Variants in SLC37A3 observed in about 807,000 individuals in gnomAD.
SLC37A3 encodes solute carrier family 37 member 3, also known as sugar phosphate exchanger 3.
SLC37A3 carries 51 observed loss-of-function variants against 67.1 expected under a neutral mutation model. The observed-to-expected ratio is 0.76, with a 90% CI of 0.61 to 0.96. The LOEUF (loss-of-function observed/expected upper bound fraction) is 0.96. Among genes scored for constraint, SLC37A3 ranks in the 40% least tolerant of loss-of-function variants. The pLI is 0.00. For synonymous variants in SLC37A3, 214 were observed against 231.4 expected, an observed-to-expected ratio of 0.92 and a Z score of 0.68; for missense variants, 508 against 603.0, an observed-to-expected ratio of 0.84 and a Z score of 1.65.
intron 4 of SLC37A3, among the ~76,000 whole-genome samples, chr7:140,367,305 T>C (rs1170806491): frequency 6.6e-6 from 1 of 151,504 alleles, no homozygotes; most frequent in East Asian, 1.9e-4. Context: ...GGCATGATGG[T>C]GTGCACCTGT....
At chr7:140,342,812 C>A (rs1440680955) in intron 13 of SLC37A3, among the ~76,000 whole-genome samples, 3 of 152,168 alleles carry the variant, frequency 2.0e-5, no homozygotes, top group Admixed American at 6.5e-5. Flanking sequence ...TCGAACTCAG[C>A]AAGTCTGTAG....
chr7:140,336,879 A>C (rs1585239536), intron 14 of SLC37A3, among the ~76,000 whole-genome samples: 1 of 152,152 alleles, frequency 6.6e-6, no homozygotes, highest in Non-Finnish European at 1.5e-5. Flanking sequence ...CGGGTGGATC[A>C]CCTGAGGTCA....
chr7:140,365,463 G>C (rs1285839871), intron 4 of SLC37A3, among the ~76,000 whole-genome samples: 2 of 152,102 alleles, frequency 1.3e-5, no homozygotes, highest in African/African-American at 4.8e-5. Context: ...GCTCACACCT[G>C]TAATCCCAGC....
chr7:140,375,698 T>A (rs899171179), intron 3 of SLC37A3, among the ~76,000 whole-genome samples: 1 of 151,944 alleles, frequency 6.6e-6, no homozygotes, highest in Non-Finnish European at 1.5e-5. Flanking sequence ...AAAAATAAAA[T>A]CCCCAAATCA....
At chr7:140,355,792 G>C in intron 6 of SLC37A3, 28 bp from the exon 7 acceptor site, 1 of 1,593,154 alleles carries the variant, frequency 6.3e-7, no homozygotes. Context: ...GGGAGACAAA[G>C]GGCCATGGTC....
chr7:140,394,509 C>G (rs1205852988), intron 1 of SLC37A3, among the ~76,000 whole-genome samples: 1 of 151,558 alleles, frequency 6.6e-6, no homozygotes. Context: ...GTGGCCCTAT[C>G]TACTTGGGAG....
chr7:140,367,347 GA>G (rs1181818954), intron 4 of SLC37A3, among the ~76,000 whole-genome samples: 4 of 150,870 alleles, frequency 2.7e-5, no homozygotes, highest in Non-Finnish European at 2.9e-5. Context: ...TGAGGCAGGA[GA>G]ATCACTGGAA....
chr7:140,341,424 G>A (rs768840862), intron 13 of SLC37A3, among the ~76,000 whole-genome samples: 14 of 152,166 alleles, frequency 9.2e-5, no homozygotes, highest in South Asian at 4.1e-4. Flanking sequence ...CTACAGAACC[G>A]CATCAACTGC....
intron 5 of SLC37A3, among the ~76,000 whole-genome samples, chr7:140,362,685 T>G (rs1433459708): frequency 6.9e-4 from 11 of 15,934 alleles, no homozygotes; most frequent in African/African-American, 1.0e-3. Flanking sequence ...GGGGGGGGGG[T>G]CAGCCCCCTG....
At chr7:140,359,520 C>T (rs552524208) in intron 5 of SLC37A3, among the ~76,000 whole-genome samples, 6 of 152,252 alleles carry the variant, frequency 3.9e-5, no homozygotes, top group African/African-American at 9.6e-5. Flanking sequence ...AGGCACGGGG[C>T]GCATGCCAGC....
At position 140,335,150 on chromosome 7, in the gene SLC37A3, GGTCAAAGATGCTGGCAGAGTCAGAA is replaced by G; in HGVS notation, c.*237_*261del. 5.7e-6 allele frequency: 8 copies of G among 1,407,354 alleles called. No homozygotes were observed. Among genetic ancestry groups the G allele is most frequent in the Non-Finnish European group, 7.8e-6 (8 of 1,031,078 alleles). 87.2% of individuals were successfully genotyped at this position (1,407,354 alleles called of 1,614,324 possible). A position where few individuals can be genotyped will look rare whatever the true frequency, so the allele number is the denominator to read the frequency against. On this transcript the variant is annotated 3_prime_UTR_variant, in exon 15 of 15. Transcript: ENST00000326232. The stretch of plus-strand genomic sequence containing the variant: ...AAACAAAGACGCGGGCAGAGTCAGA[GGTCAAAGATGCTGGCAGAGTCAGAA>G]GTCACTCGGCACATTCATGAAACAA...
chr7:140,369,825 G>C, intron 3 of SLC37A3, 143 bp from the exon 4 acceptor site: 1 of 656,840 alleles, frequency 1.5e-6, no homozygotes, highest in Non-Finnish European at 2.6e-6. Context: ...GAAATAACTA[G>C]TATAGCCGGG....
At chr7:140,374,919 G>A (rs1287648258) in intron 3 of SLC37A3, among the ~76,000 whole-genome samples, 4 of 152,056 alleles carry the variant, frequency 2.6e-5, no homozygotes, top group East Asian at 1.9e-4. Flanking sequence ...AGGCCGAGGT[G>A]GGGGTATCAT....
At chr7:140,393,305 T>C (rs1371270415) in intron 1 of SLC37A3, among the ~76,000 whole-genome samples, 1 of 152,164 alleles carries the variant, frequency 6.6e-6, no homozygotes, top group African/African-American at 2.4e-5. Flanking sequence ...TGGAGGTCCA[T>C]CCATATCAGC....
chr7:140,363,654 A>G (rs1236231788), intron 5 of SLC37A3, among the ~76,000 whole-genome samples: 1 of 134,156 alleles, frequency 7.5e-6, no homozygotes, highest in Admixed American at 7.8e-5. Context: ...GACCCTGCCA[A>G]ATCCCCCTCT....
At chr7:140,346,402 C>T (rs1330585463) in intron 10 of SLC37A3, among the ~76,000 whole-genome samples, 20 of 151,882 alleles carry the variant, frequency 1.3e-4, no homozygotes, top group Non-Finnish European at 4.4e-5. Flanking sequence ...GTCTGACTCC[C>T]TGAAAAGGGG....
Position 140,369,686 on chromosome 7 carries a change from C to A in SLC37A3, c.199-4G>T. ...ACAAATGGTTGCTGCTCCAGATCTA[C>A]AGTAAGACAGCAGGAACAGGTCAGT... On this transcript the variant is annotated splice_region_variant and splice_polypyrimidine_tract_variant and intron_variant, in intron 3 of 14. Transcript: ENST00000326232. 1 of 1,612,026 alleles carries A rather than the reference C, an allele frequency of 6.2e-7. No homozygotes were observed. Among genetic ancestry groups the A allele is most frequent in the Non-Finnish European group, 8.5e-7 (1 of 1,178,830 alleles).
At chr7:140,381,194 G>A (rs186785322) in intron 2 of SLC37A3, among the ~76,000 whole-genome samples, 27 of 137,778 alleles carry the variant, frequency 2.0e-4, no homozygotes, top group African/African-American at 7.2e-4. Flanking sequence ...CACCGTGCCT[G>A]GCCAAGAATT....
chr7:140,375,546 T>G (rs1585341327), intron 3 of SLC37A3, among the ~76,000 whole-genome samples: 1 of 151,904 alleles, frequency 6.6e-6, no homozygotes, highest in Admixed American at 6.6e-5. Context: ...TAAAGAAACA[T>G]CTTTATTTTT....
Sources: gnomAD v4.1 joint callset for allele counts (sites outside exome capture counted in the v4.1 genomes callset) on GRCh38, gnomAD v4.1.1 for gene constraint, MANE v1.5 for transcripts, NCBI Gene and HGNC (gene_info 2026-07-23, HGNC 2026-07-21) for gene names.